The following CCND1 variants were observed in gnomAD, a reference collection of about 807,000 sequenced individuals.
The protein encoded by CCND1 is cyclin D1.
A neutral mutation model predicts 26.1 loss-of-function variants in CCND1; 9 were observed. That is an observed-to-expected ratio of 0.35 (90% CI 0.21 to 0.60). The LOEUF is 0.60. CCND1 is among the 20% of genes least tolerant of loss of function. The pLI is 0.79. For synonymous variants in CCND1, 194 were observed against 166.1 expected, an observed-to-expected ratio of 1.17 and a Z score of -1.29; for missense variants, 335 against 392.9, an observed-to-expected ratio of 0.85 and a Z score of 1.25.
intron 4 of CCND1, among the ~76,000 whole-genome samples, chr11:69,648,893 C>T (rs940553275): frequency 6.6e-6 from 1 of 152,118 alleles, no homozygotes; most frequent in Middle Eastern, 3.2e-3. Flanking sequence ...GGACTCCGCA[C>T]GGGTCTCAGC....
At position 69,652,024 on chromosome 11, in the gene CCND1, C is replaced by T. The variant is rs1384695013; in HGVS notation, c.*742C>T. The T allele has an allele frequency of 4.3e-6, 1 of 233,200 alleles. No homozygotes were observed. The highest frequency in any genetic ancestry group is 8.5e-6 in the Non-Finnish European group (1 of 118,058). 14.4% of individuals were successfully genotyped at this position (233,200 alleles called of 1,614,324 possible). A position where few individuals can be genotyped will look rare whatever the true frequency, so the allele number is the denominator to read the frequency against. The stretch of plus-strand genomic sequence containing the variant: ...ACCACCCCAACAAACCATCCAGTGA[C>T]AAACCATCCAGTGGAGGTTTGTCGG... On this transcript the variant is annotated 3_prime_UTR_variant, in exon 5 of 5. Transcript: ENST00000227507.
chr11:69,644,499 G>A (rs1855754455), intron 3 of CCND1, among the ~76,000 whole-genome samples: 1 of 152,208 alleles, frequency 6.6e-6, no homozygotes, highest in South Asian at 2.1e-4. Context: ...CCGAGTGCAG[G>A]GGTGTCCAGC....
rs1287826053 is a variant in CCND1, at chr11:69,654,407, C to T, written c.*3125C>T. 5 of 695,688 alleles carry T rather than the reference C, an allele frequency of 7.2e-6. No homozygotes were observed. The highest frequency in any genetic ancestry group is 2.7e-5 in the East Asian group (1 of 37,086). The allele number at this position is 695,688 out of a possible 1,614,324, so 43.1% of individuals were successfully genotyped here. ...GCGCTTCCCAGCACCAACATGTAAC[C>T]GGCATGTTTCCAGCAGAAGACAAAA... On this transcript the variant is annotated 3_prime_UTR_variant, in exon 5 of 5. Transcript: ENST00000227507. The surrounding 1 kb of genome is among the most constrained non-coding windows in gnomAD (Gnocchi z 6.3).
At chr11:69,643,787 G>C (rs199550760) in intron 2 of CCND1, 45 bp from the exon 3 acceptor site, 3 of 1,567,854 alleles carry the variant, frequency 1.9e-6, no homozygotes, top group Admixed American at 1.7e-5. Flanking sequence ...GCGCCCCCGG[G>C]CTGGCCCGCA....
At position 69,641,337 on chromosome 11, in the gene CCND1, C is replaced by G. The variant is rs1855696875; in HGVS notation, c.24C>G (p.Cys8Trp). 8.1e-6 allele frequency: 13 copies of G among 1,612,628 alleles called. No individual in the cohort carries two copies. The Admixed American group carries it at 8.3e-5, about 10-fold the overall frequency. Reference protein sequence around the residue: MEHQLLCCEVETIRRAYP... With the variant: MEHQLLCWEVETIRRAYP... ...CCATGGAACACCAGCTCCTGTGCTG[C>G]GAAGTGGAAACCATCCGCCGCGCGT... Residue 8 changes from cysteine (C) to tryptophan (W), a missense_variant, in exon 1 of 5, where the codon TGC becomes TGG. Transcript: ENST00000227507.
chr11:69,647,272 G>A (rs1855794942), intron 3 of CCND1, among the ~76,000 whole-genome samples: 5 of 151,726 alleles, frequency 3.3e-5, no homozygotes, highest in Admixed American at 3.3e-4. Context: ...CTTGGTCTGT[G>A]CTCTGAAGGT....
intron 1 of CCND1, among the ~76,000 whole-genome samples, chr11:69,642,692 T>C (rs1196054511): frequency 3.3e-5 from 5 of 151,888 alleles, no homozygotes; most frequent in Non-Finnish European, 5.9e-5. Context: ...CGCACCCCAG[T>C]TGGTGTCGAC....
chr11:69,641,641 A>C, intron 1 of CCND1, 130 bp downstream of exon 1: 6 of 889,716 alleles, frequency 6.7e-6, no homozygotes, highest in Non-Finnish European at 1.0e-5. Flanking sequence ...GTTTCTAGGG[A>C]TCCGTATTTT....
At position 69,641,169 on chromosome 11, in the gene CCND1, C is replaced by G; in HGVS notation, c.-145C>G. Reference sequence around the variant, plus strand: ...CCTGGAGCCTCCAGAGGGCTGTCGGCGCAGTAGCAGCGAGCAGCAGAGTCC... The same window carrying G: ...CCTGGAGCCTCCAGAGGGCTGTCGGGGCAGTAGCAGCGAGCAGCAGAGTCC... On this transcript the variant is annotated 5_prime_UTR_variant, in exon 1 of 5. Transcript: ENST00000227507. 1 of 775,632 alleles carries G rather than the reference C, an allele frequency of 1.3e-6. No individual in the cohort carries two copies. The highest frequency in any genetic ancestry group is 2.1e-5 in the Admixed American group (1 of 48,758). 48.0% of individuals were successfully genotyped at this position (775,632 alleles called of 1,614,324 possible).
chr11:69,652,073 G>A lies in CCND1; in HGVS notation c.*791G>A, dbSNP rs371387647. 8.6e-6 allele frequency: 2 copies of A among 233,200 alleles called. No homozygotes were observed. Among genetic ancestry groups the A allele is most frequent in the Middle Eastern group, 1.2e-3 (1 of 808 alleles). The allele number at this position is 233,200 out of a possible 1,614,324, so 14.4% of individuals were successfully genotyped here. A position where few individuals can be genotyped will look rare whatever the true frequency, so the allele number is the denominator to read the frequency against. On this transcript the variant is annotated 3_prime_UTR_variant, in exon 5 of 5. Coordinates refer to ENST00000227507, the MANE Select transcript of CCND1 (RefSeq NM_053056.3). ...GGGCACCAGCCAGCGTAGCAGGGTC[G>A]GGAAAGGCCACCTGTCCCACTCCTA... is the stretch of plus-strand genomic sequence containing the variant.
At chr11:69,647,039 C>T (rs1051408117) in intron 3 of CCND1, among the ~76,000 whole-genome samples, 1 of 152,180 alleles carries the variant, frequency 6.6e-6, no homozygotes, top group South Asian at 2.1e-4. Context: ...GGTGAGGGCA[C>T]TGGTGCCCTC....
Position 69,653,339 on chromosome 11 carries a change from T to C in CCND1, c.*2057T>C. 1.4e-6 allele frequency: 1 copy of C among 702,880 alleles called. No individual in the cohort carries two copies. 43.5% of individuals were successfully genotyped at this position (702,880 alleles called of 1,614,324 possible). On this transcript the variant is annotated 3_prime_UTR_variant, in exon 5 of 5. Coordinates refer to ENST00000227507, the MANE Select transcript of CCND1 (RefSeq NM_053056.3). ...TTGCTGCTATTGGAGGATCAGTTTT[T>C]TGTTTTACAATGTCATATACTGCCA...
Position 69,648,097 on chromosome 11 carries a change from C to T in CCND1, c.678C>T (p.Tyr226=), listed in dbSNP as rs745585622. The T allele has an allele frequency of 6.2e-7, 1 of 1,613,832 alleles. No individual in the cohort carries two copies. The highest frequency in any genetic ancestry group is 8.5e-7 in the Non-Finnish European group (1 of 1,180,028). ...NLRSPNNFLS[Y]YRLTRFLSRV... ...GGAGCCCCAACAACTTCCTGTCCTA[C>T]TACCGCCTCACACGCTTCCTCTCCA... Residue 226 remains tyrosine (Y), a synonymous_variant, in exon 4 of 5, where the codon TAC becomes TAT. Coordinates refer to ENST00000227507, the MANE Select transcript of CCND1 (RefSeq NM_053056.3).
rs751307879 is a variant in CCND1 at position 69,643,888 on chromosome 11, G to C, written c.471G>C (p.Pro157=). The change falls in exon 3 of 5, where the codon CCG becomes CCC. Residue 157 remains proline (P), a synonymous_variant. Coordinates refer to ENST00000227507, the MANE Select transcript of CCND1 (RefSeq NM_053056.3). ...KLKWNLAAMT[P]HDFIEHFLSK... ...AGTGGAACCTGGCCGCAATGACCCC[G>C]CACGATTTCATTGAACACTTCCTCT... 1 of 1,613,618 alleles carries C rather than the reference G, an allele frequency of 6.2e-7. No individual in the cohort carries two copies. The highest frequency in any genetic ancestry group is 8.5e-7 in the Non-Finnish European group (1 of 1,179,970).
chr11:69,645,942 A>G (rs572563486), intron 3 of CCND1, among the ~76,000 whole-genome samples: 2 of 152,210 alleles, frequency 1.3e-5, no homozygotes, highest in East Asian at 1.9e-4. Flanking sequence ...AGTGCCAAGG[A>G]GCTTCCGGGA....
chr11:69,643,350 C>A (rs530058631), intron 2 of CCND1, 104 bp downstream of exon 2: 2 of 885,014 alleles, frequency 2.3e-6, no homozygotes, highest in South Asian at 3.7e-5. Flanking sequence ...TCTGACATAT[C>A]TGCTCCTCCG....
chr11:69,649,478 G>A (rs1016865018), intron 4 of CCND1, among the ~76,000 whole-genome samples: 1 of 152,226 alleles, frequency 6.6e-6, no homozygotes, highest in African/African-American at 2.4e-5. Flanking sequence ...AGTGACCAAC[G>A]TAGCTGAGCC....
Position 69,650,735 on chromosome 11 carries a change from G to T in CCND1, c.724-383G>T, listed in dbSNP as rs552877493. Among the ~76,000 whole-genome samples the T allele has an allele frequency of 7.2e-5, 11 of 152,326 alleles. No homozygotes were observed. The South Asian group carries it at 1.7e-3, about 23-fold the overall frequency. On this transcript the variant is annotated intron_variant, in intron 4 of 4. Coordinates refer to ENST00000227507, the MANE Select transcript of CCND1 (RefSeq NM_053056.3). ...AAGTCTGAAAAGGCTGAAAAGGCAG[G>T]GTTCAAAGGGCCTCCTGTCCAGATC... is the stretch of plus-strand genomic sequence containing the variant.
In CCND1 at chr11:69,641,258, C is replaced by A. The variant is rs936285809; in HGVS notation, c.-56C>A. ...CGGGGCAGCAGAAGCGAGAGCCGAG[C>A]GCGGACCCAGCCAGGACCCACAGCC... On this transcript the variant is annotated 5_prime_UTR_variant, in exon 1 of 5. Coordinates refer to ENST00000227507, the MANE Select transcript of CCND1 (RefSeq NM_053056.3). 1 of 1,525,592 alleles carries A rather than the reference C, an allele frequency of 6.6e-7. No individual in the cohort carries two copies. The highest frequency in any genetic ancestry group is 9.0e-7 in the Non-Finnish European group (1 of 1,112,292). The allele number at this position is 1,525,592 out of a possible 1,614,324, so 94.5% of individuals were successfully genotyped here.
Sources: allele counts gnomAD v4.1 joint callset (sites outside exome capture counted in the v4.1 genomes callset), GRCh38; gene constraint gnomAD v4.1.1; non-coding constraint Gnocchi (gnomAD v3.1); transcripts MANE v1.5; gene names NCBI Gene and HGNC (gene_info 2026-07-23, HGNC 2026-07-21).